The following ANKRD18A variants were observed in gnomAD, a reference collection of about 807,000 sequenced individuals.
ANKRD18A encodes the protein ankyrin repeat domain-containing protein 18A.
A neutral mutation model predicts 110.6 loss-of-function variants in ANKRD18A; 72 were observed. The observed-to-expected ratio is 0.65, with a 90% CI of 0.54 to 0.79. The LOEUF (loss-of-function observed/expected upper bound fraction) is 0.79. Among genes scored for constraint, ANKRD18A ranks in the 30% least tolerant of loss-of-function variants. The probability of loss-of-function intolerance (pLI) is 0.00; values close to 1 mark genes in which losing one functional copy is unlikely to be tolerated. For missense variants in ANKRD18A, 934 were observed against 1,163.3 expected (o/e 0.80, Z 2.87); for synonymous variants, 305 against 410.3 (o/e 0.74, Z 3.10).
chr9:38,595,560 T>C lies in ANKRD18A; in HGVS notation c.1780A>G (p.Lys594Glu). The change falls in exon 9 of 16, where the codon AAG becomes GAG. Residue 594 changes from lysine (K) to glutamate (E), a missense_variant. Coordinates refer to ENST00000399703, the MANE Select transcript of ANKRD18A (RefSeq NM_147195.4). ...TAATTATATTCTTTCATTAATTCCT[T>C]ATTTCTTTCTTCTAGAAGATCTTCC... ...GKEDLLEERNKELMKEYNYLK... is the reference protein window; with the variant it reads ...GKEDLLEERNEELMKEYNYLK... 2 of 1,542,998 alleles carry C rather than the reference T, an allele frequency of 1.3e-6. No individual in the cohort carries two copies. The highest frequency in any genetic ancestry group is 1.7e-6 in the Non-Finnish European group (2 of 1,144,226).
intron 8 of ANKRD18A, among the ~76,000 whole-genome samples, 173 bp from the exon 9 acceptor site, chr9:38,596,576 CA>C (rs1824892170): frequency 6.6e-6 from 1 of 151,996 alleles, no homozygotes; most frequent in Admixed American, 6.6e-5. Flanking sequence ...ACATACATTT[CA>C]AAAAGTTCAA....
chr9:38,603,038 T>C, intron 7 of ANKRD18A, 121 bp downstream of exon 7: 1 of 1,370,090 alleles, frequency 7.3e-7, no homozygotes, highest in South Asian at 1.5e-5. Context: ...GAAAACCTTG[T>C]AATAGACTGA....
chr9:38,606,092 A>T (rs1384664620), intron 6 of ANKRD18A, among the ~76,000 whole-genome samples: 1 of 152,232 alleles, frequency 6.6e-6, no homozygotes, highest in African/African-American at 2.4e-5. Flanking sequence ...CTTCTTGGAA[A>T]GGAATTACTT....
chr9:38,610,091 A>G (rs955818953), intron 5 of ANKRD18A, among the ~76,000 whole-genome samples, 182 bp downstream of exon 5: 47 of 152,356 alleles, frequency 3.1e-4, no homozygotes, highest in African/African-American at 1.1e-3. Context: ...TCTTGCACTC[A>G]TTGCTACTTC....
At chr9:38,599,569 A>G (rs1671755478) in intron 8 of ANKRD18A, among the ~76,000 whole-genome samples, 1 of 152,004 alleles carries the variant, frequency 6.6e-6, no homozygotes, top group African/African-American at 2.4e-5. Flanking sequence ...GGTTCAAGCA[A>G]TTCTCCTGCC....
At chr9:38,573,745 A>G (rs1028691261) in intron 15 of ANKRD18A, among the ~76,000 whole-genome samples, 18 of 152,186 alleles carry the variant, frequency 1.2e-4, no homozygotes, top group African/African-American at 4.1e-4. Flanking sequence ...TTAAACAATT[A>G]AAGTCACATT....
chr9:38,616,175 G>A, intron 1 of ANKRD18A, 131 bp from the exon 2 acceptor site: 2 of 671,376 alleles, frequency 3.0e-6, no homozygotes, highest in Non-Finnish European at 4.9e-6. Context: ...TTTGAAGAAA[G>A]TACAATATTT....
chr9:38,618,839 A>G (rs1367896523), intron 1 of ANKRD18A, among the ~76,000 whole-genome samples: 1 of 150,898 alleles, frequency 6.6e-6, no homozygotes, highest in African/African-American at 2.4e-5. Flanking sequence ...TAAAATAAAG[A>G]TGTGCTTTTT....
intron 1 of ANKRD18A, among the ~76,000 whole-genome samples, chr9:38,619,515 C>T (rs1256310933): frequency 6.6e-6 from 1 of 152,178 alleles, no homozygotes; most frequent in African/African-American, 2.4e-5. Flanking sequence ...CCATTATAAA[C>T]ATTTTTAAAT....
At chr9:38,586,383 A>G in intron 11 of ANKRD18A, 71 bp from the exon 12 acceptor site, 1 of 1,339,826 alleles carries the variant, frequency 7.5e-7, no homozygotes, top group African/African-American at 1.5e-5. Context: ...TTAAACAGAT[A>G]TTATGTTATG....
At chr9:38,618,868 G>GAT (rs34689102) in intron 1 of ANKRD18A, among the ~76,000 whole-genome samples, 16,396 of 148,508 alleles carry the variant, frequency 0.11, 988 homozygotes, top group African/African-American at 0.13. Flanking sequence ...ATATATAACT[G>GAT]ATATATATAT....
At chr9:38,615,537 C>T in intron 3 of ANKRD18A, 57 bp downstream of exon 3, 1 of 1,486,382 alleles carries the variant, frequency 6.7e-7, no homozygotes, top group Non-Finnish European at 8.9e-7. Flanking sequence ...AAAATTGACT[C>T]TTAACTATGT....
intron 8 of ANKRD18A, among the ~76,000 whole-genome samples, chr9:38,596,722 C>T (rs1170460799): frequency 6.6e-6 from 1 of 152,144 alleles, no homozygotes; most frequent in African/African-American, 2.4e-5. Flanking sequence ...AAAAATTTGA[C>T]TAAATTAAAA....
At chr9:38,589,149 G>A (rs2993195) in intron 10 of ANKRD18A, among the ~76,000 whole-genome samples, 4 of 151,846 alleles carry the variant, frequency 2.6e-5, no homozygotes, top group Admixed American at 6.6e-5. Context: ...AGTATTCACC[G>A]GTAGGTTTCG....
chr9:38,588,264 A>G (rs1342293704), intron 11 of ANKRD18A, among the ~76,000 whole-genome samples: 2 of 152,050 alleles, frequency 1.3e-5, no homozygotes, highest in Non-Finnish European at 2.9e-5. Context: ...ATTGGACTCT[A>G]TGACACATGG....
In ANKRD18A at chr9:38,571,420, A is replaced by G. The variant is rs1823639310; in HGVS notation, c.*625T>C. 2 of 626,664 alleles carry G rather than the reference A, an allele frequency of 3.2e-6. No individual in the cohort carries two copies. The highest frequency in any genetic ancestry group is 4.2e-5 in the Admixed American group (1 of 23,596). The allele number at this position is 626,664 out of a possible 1,614,324, so 38.8% of individuals were successfully genotyped here. On this transcript the variant is annotated 3_prime_UTR_variant, in exon 16 of 16. Transcript: ENST00000399703. ...TGTAGAACAAAGAAGAAAATAAGAA[A>G]AACAATCATCTGGCAACCATCACAG...
At chr9:38,588,451 G>T (rs1824481235) in intron 11 of ANKRD18A, 100 bp downstream of exon 11, 22 of 716,216 alleles carry the variant, frequency 3.1e-5, no homozygotes, top group South Asian at 5.7e-5. Context: ...TTATGAAAAT[G>T]AAGACATAAA....
chr9:38,569,249 T>C (rs2118591516), downstream of ANKRD18A: 1 of 972,632 alleles, frequency 1.0e-6, no homozygotes, highest in African/African-American at 1.8e-5. Context: ...ATGGAATTGC[T>C]GCAAGGATGA....
intron 1 of ANKRD18A, among the ~76,000 whole-genome samples, chr9:38,616,459 C>T (rs539567237): frequency 1.3e-5 from 2 of 152,316 alleles, no homozygotes; most frequent in East Asian, 1.9e-4. Context: ...AACTGTTAGA[C>T]TTTTGTTTGT....
Sources: allele counts gnomAD v4.1 joint callset (sites outside exome capture counted in the v4.1 genomes callset), GRCh38; gene constraint gnomAD v4.1.1; transcripts MANE v1.5; gene names NCBI Gene and HGNC (gene_info 2026-07-23, HGNC 2026-07-21).